GAL3ST2: variants seen among roughly 807,000 people sequenced by gnomAD.
GAL3ST2 encodes the protein beta-galactose-3-O-sulfotransferase 2.
GAL3ST2 carries 16 observed loss-of-function variants against 12.9 expected under a neutral mutation model. The ratio of observed to expected loss-of-function variants is 1.24; its 90% CI spans 0.84 to 1.88. The LOEUF (loss-of-function observed/expected upper bound fraction) is 1.88. Among genes scored for constraint, GAL3ST2 ranks in the 40% most tolerant of loss-of-function variants. The probability of loss-of-function intolerance (pLI) is 0.00; values close to 1 mark genes in which losing one functional copy is unlikely to be tolerated. For missense variants in GAL3ST2, 639 were observed against 571.8 expected, an observed-to-expected ratio of 1.12 and a Z score of -1.20; for synonymous variants, 302 against 273.9, an observed-to-expected ratio of 1.10 and a Z score of -1.01.
intron 1 of GAL3ST2, among the ~76,000 whole-genome samples, 159 bp from the exon 2 acceptor site, chr2:241,798,906 C>T (rs955966606): frequency 6.6e-6 from 1 of 152,088 alleles, no homozygotes; most frequent in African/African-American, 2.4e-5. Context: ...CTCCCTAGCC[C>T]ATGGGCCGGC....
intron 1 of GAL3ST2, among the ~76,000 whole-genome samples, chr2:241,780,287 G>A (rs554070196): frequency 7.9e-5 from 12 of 152,244 alleles, no homozygotes; most frequent in South Asian, 6.2e-4. Flanking sequence ...TTGGGAGGCC[G>A]AGGTGGATGG....
intron 1 of GAL3ST2, among the ~76,000 whole-genome samples, chr2:241,790,756 C>T (rs1333126726): frequency 6.6e-6 from 1 of 152,184 alleles, no homozygotes; most frequent in Non-Finnish European, 1.5e-5. Flanking sequence ...CCTTTGTTTT[C>T]CTTTCTTCTC....
rs1699885339 is a variant in GAL3ST2 at position 241,803,524 on chromosome 2, G to C, written c.555G>C (p.Arg185Ser). 1 of 1,610,316 alleles carries C rather than the reference G, an allele frequency of 6.2e-7. No homozygotes were observed. Among genetic ancestry groups the C allele is most frequent in the Non-Finnish European group, 8.5e-7 (1 of 1,178,402 alleles). Reference protein sequence around the residue: ...RTFYNDSRHLRNVYAKNNMWF... With the variant: ...RTFYNDSRHLSNVYAKNNMWF... ...TCTACAACGACAGCCGCCACCTCAG[G>C]AACGTCTACGCCAAGAACAACATGT... Residue 185 changes from arginine to serine, a missense_variant, in exon 4 of 4, where the codon AGG becomes AGC. Arg to Ser is a moderately radical substitution (Grantham distance 110, BLOSUM62 -1). Transcript: ENST00000192314.
intron 1 of GAL3ST2, among the ~76,000 whole-genome samples, chr2:241,786,966 G>A (rs1699634521): frequency 6.6e-6 from 1 of 152,152 alleles, no homozygotes; most frequent in Admixed American, 6.5e-5. Flanking sequence ...TCTCCCCTCT[G>A]CTCACTGAGA....
At position 241,795,788 on chromosome 2, in the gene GAL3ST2, G is replaced by A. The variant is rs532785832; in HGVS notation, c.30-3277G>A. ...GTGTCTCCAGCGGGACCCTGATCCC[G>A]CGTGGGGCGCATGGCCCTCTCTGCT... is the stretch of plus-strand genomic sequence containing the variant. On this transcript the variant is annotated intron_variant, in intron 1 of 3. Transcript: ENST00000192314. The surrounding 1 kb of genome is among the most constrained non-coding windows in gnomAD (Gnocchi z 4.5). Among the ~76,000 whole-genome samples, 62 of 152,324 alleles carry A rather than the reference G, an allele frequency of 4.1e-4. No individual in the cohort carries two copies. The highest frequency in any genetic ancestry group is 6.6e-4 in the Non-Finnish European group (45 of 68,028).
chr2:241,799,289 T>C, intron 2 of GAL3ST2, 135 bp downstream of exon 2: 2 of 799,044 alleles, frequency 2.5e-6, no homozygotes, highest in South Asian at 1.5e-5. Flanking sequence ...GGATGGGCCC[T>C]TCCTTGGGGG....
intron 1 of GAL3ST2, among the ~76,000 whole-genome samples, chr2:241,792,014 C>CTTTTTTTTTTTTT: frequency 7.5e-6 from 1 of 133,954 alleles, no homozygotes; most frequent in Non-Finnish European, 1.6e-5. Context: ...TTCTTTCTTT[C>CTTTTTTTTTTTTT]TTTTTTTTTT....
chr2:241,793,010 A>C lies in GAL3ST2; in HGVS notation c.30-6055A>C, dbSNP rs149870990. On this transcript the variant is annotated intron_variant, in intron 1 of 3. Coordinates refer to ENST00000192314, the MANE Select transcript of GAL3ST2 (RefSeq NM_022134.3). The surrounding 1 kb of genome is among the most constrained non-coding windows in gnomAD (Gnocchi z 4.7). ...AGTCTTCCTGCCTTTGCTTCGAGCC[A>C]TCCTGCCTCTCCAGACCGAACCAAT... Among the ~76,000 whole-genome samples the C allele has an allele frequency of 6.7e-6, 1 of 150,048 alleles. No individual in the cohort carries two copies.
In GAL3ST2 at chr2:241,802,353, C is replaced by T. The variant is rs530198126; in HGVS notation, c.375+317C>T. ...CCGGCTCTCCCCACCCTGTGACCTTCGCTTCTGTGGCTGCAGGCCCTTCTT... is the reference window on the plus strand; with the variant it reads ...CCGGCTCTCCCCACCCTGTGACCTTTGCTTCTGTGGCTGCAGGCCCTTCTT... On this transcript the variant is annotated intron_variant, in intron 3 of 3. Coordinates refer to ENST00000192314, the MANE Select transcript of GAL3ST2 (RefSeq NM_022134.3). The surrounding 1 kb of genome is among the most constrained non-coding windows in gnomAD (Gnocchi z 4.8). Among the ~76,000 whole-genome samples, 199 of 152,340 alleles carry T rather than the reference C, an allele frequency of 1.3e-3. 1 individual carries two copies. Among genetic ancestry groups the T allele is most frequent in the Non-Finnish European group, 3.8e-4 (26 of 68,022 alleles).
rs939445638 is a variant in GAL3ST2 at position 241,803,442 on chromosome 2, C to A, written c.473C>A (p.Ala158Asp). 1.2e-6 allele frequency: 2 copies of A among 1,612,064 alleles called. No homozygotes were observed. The highest frequency in any genetic ancestry group is 2.2e-5 in the East Asian group (1 of 44,850). Residue 158 changes from alanine (A) to aspartate (D), a missense_variant, in exon 4 of 4, where the codon GCC (alanine) becomes GAC (aspartate). By Grantham distance (126) the Ala-to-Asp change is moderately radical. Coordinates refer to ENST00000192314, the MANE Select transcript of GAL3ST2 (RefSeq NM_022134.3). The stretch of plus-strand genomic sequence containing the variant: ...TCCTTCATCTACTACAAAACCTACG[C>A]CCCCGCCTTCCGGGGCGCCCCGAGC... ...ESSFIYYKTY[A>D]PAFRGAPSLD...
intron 1 of GAL3ST2, among the ~76,000 whole-genome samples, chr2:241,779,537 G>A (rs1259545812): frequency 6.6e-6 from 1 of 151,434 alleles, no homozygotes; most frequent in Non-Finnish European, 1.5e-5. Flanking sequence ...CCGGCCCTGG[G>A]AAGTTCATTT....
At chr2:241,784,732 A>G (rs1209333207) in intron 1 of GAL3ST2, among the ~76,000 whole-genome samples, 1 of 152,248 alleles carries the variant, frequency 6.6e-6, no homozygotes, top group Non-Finnish European at 1.5e-5. Context: ...ATAGAAGTAC[A>G]TCTTACTGAT....
At position 241,777,000 on chromosome 2, in the gene GAL3ST2, G is replaced by C. The variant is rs1699496680; in HGVS notation, c.29+16G>C. On this transcript the variant is annotated intron_variant, in intron 1 of 3. Coordinates refer to ENST00000192314, the MANE Select transcript of GAL3ST2 (RefSeq NM_022134.3). ...GCTTGCAGAGGTAAGGGGGGCAGTT[G>C]GACCCCCCAGGTGGACAAAGCGCTT... 3 of 1,512,716 alleles carry C rather than the reference G, an allele frequency of 2.0e-6. No homozygotes were observed. The highest frequency in any genetic ancestry group is 2.7e-6 in the Non-Finnish European group (3 of 1,123,052). The allele number at this position is 1,512,716 out of a possible 1,614,324, so 93.7% of individuals were successfully genotyped here.
At chr2:241,788,670 C>T (rs1350890912) in intron 1 of GAL3ST2, among the ~76,000 whole-genome samples, 1 of 152,186 alleles carries the variant, frequency 6.6e-6, no homozygotes, top group Non-Finnish European at 1.5e-5. Flanking sequence ...GGGTTGACCC[C>T]TGCTGTGACA....
intron 1 of GAL3ST2, among the ~76,000 whole-genome samples, chr2:241,787,592 TCTA>T (rs1699644111): frequency 6.6e-6 from 1 of 150,590 alleles, no homozygotes; most frequent in South Asian, 2.1e-4. Context: ...GAGGGCCAGT[TCTA>T]CTGCTTCCAT....
At chr2:241,789,555 T>C (rs548424212) in intron 1 of GAL3ST2, among the ~76,000 whole-genome samples, 2 of 152,302 alleles carry the variant, frequency 1.3e-5, no homozygotes, top group East Asian at 3.9e-4. Context: ...AAGTCTAAGA[T>C]AGGGAAAAAA....
chr2:241,776,885 G>C lies in GAL3ST2; in HGVS notation c.-71G>C. On this transcript the variant is annotated 5_prime_UTR_variant, in exon 1 of 4. Coordinates refer to ENST00000192314, the MANE Select transcript of GAL3ST2 (RefSeq NM_022134.3). ...CACCCTGGGGAGCCCAGAGCCGGCA[G>C]GGGCCGAGGCGGTGGGACCTCGGGG... The C allele has an allele frequency of 7.5e-7, 1 of 1,336,048 alleles. No homozygotes were observed. The highest frequency in any genetic ancestry group is 9.8e-7 in the Non-Finnish European group (1 of 1,019,682). The allele number at this position is 1,336,048 out of a possible 1,614,324, so 82.8% of individuals were successfully genotyped here. A position where few individuals can be genotyped will look rare whatever the true frequency, so the allele number is the denominator to read the frequency against.
intron 1 of GAL3ST2, among the ~76,000 whole-genome samples, chr2:241,791,808 G>A (rs575472771): frequency 1.3e-5 from 2 of 152,224 alleles, no homozygotes; most frequent in South Asian, 4.1e-4. Context: ...ATGGGAAACT[G>A]GAGAGAGAAA....
chr2:241,777,642 C>T lies in GAL3ST2; in HGVS notation c.29+658C>T, dbSNP rs1362576817. Among the ~76,000 whole-genome samples the T allele has an allele frequency of 3.3e-5, 5 of 152,198 alleles. No homozygotes were observed. The South Asian group carries it at 8.3e-4, about 25-fold the overall frequency. ...GTCCCTGCCTCCCCGGGGCGTGTGC[C>T]GCCATGAATTCAGTTACCTTCCTTT... On this transcript the variant is annotated intron_variant, in intron 1 of 3. Coordinates refer to ENST00000192314, the MANE Select transcript of GAL3ST2 (RefSeq NM_022134.3).
Sources: allele counts gnomAD v4.1 joint callset (sites outside exome capture counted in the v4.1 genomes callset), GRCh38; gene constraint gnomAD v4.1.1; non-coding constraint Gnocchi (gnomAD v3.1); transcripts MANE v1.5; gene names NCBI Gene and HGNC (gene_info 2026-07-23, HGNC 2026-07-21).